Variants in MTMR6 observed in about 807,000 individuals in gnomAD.
MTMR6 encodes the protein myotubularin related protein 6, also known as phosphatidylinositol-3,5-bisphosphate 3-phosphatase MTMR6.
A neutral mutation model predicts 80.1 loss-of-function variants in MTMR6; 47 were observed. The ratio of observed to expected loss-of-function variants is 0.59; its 90% CI spans 0.46 to 0.75. MTMR6 has a LOEUF of 0.75. MTMR6 is among the 30% of genes least tolerant of loss of function. The probability of loss-of-function intolerance (pLI) is 0.00; values close to 1 mark genes in which losing one functional copy is unlikely to be tolerated. For missense variants in MTMR6, 629 were observed against 730.9 expected (o/e 0.86, Z 1.61); for synonymous variants, 254 against 253.0 (o/e 1.00, Z -0.04).
Position 25,251,883 on chromosome 13 carries a change from A to G in MTMR6, c.1448T>C (p.Leu483Ser). 1 of 1,608,296 alleles carries G rather than the reference A, an allele frequency of 6.2e-7. No homozygotes were observed. The highest frequency in any genetic ancestry group is 8.5e-7 in the Non-Finnish European group (1 of 1,178,522). Residue 483 changes from leucine to serine, a missense_variant, in exon 12 of 14, where the codon TTG (leucine) becomes TCG (serine). By Grantham distance (145) the Leu-to-Ser change is moderately radical. Transcript: ENST00000381801. This position sits in a 1 kb window ranked among gnomAD's most constrained non-coding sequence, Gnocchi z 4.1. ...YSSESHRFTVLEPNTVSFNFK... is the reference protein window; with the variant it reads ...YSSESHRFTVSEPNTVSFNFK... ...ATTGAAAGATACTGTATTTGGCTCCAAAACTGTAAATCTGTGAGATTCGGA... is the reference window on the plus strand; with the variant it reads ...ATTGAAAGATACTGTATTTGGCTCCGAAACTGTAAATCTGTGAGATTCGGA...
At chr13:25,271,653 G>T (rs974015796) in intron 2 of MTMR6, among the ~76,000 whole-genome samples, 1 of 152,150 alleles carries the variant, frequency 6.6e-6, no homozygotes, top group South Asian at 2.1e-4. Context: ...TTTCTGCTTA[G>T]CACTTATCAC....
chr13:25,254,054 C>A, intron 10 of MTMR6, 90 bp from the exon 11 acceptor site: 2 of 1,313,032 alleles, frequency 1.5e-6, no homozygotes, highest in East Asian at 2.4e-5. Context: ...AAAAATATTC[C>A]TAAAGCACTG....
At position 25,262,388 on chromosome 13, in the gene MTMR6, G is replaced by A. The variant is rs571041375; in HGVS notation, c.592-586C>T. On this transcript the variant is annotated intron_variant, in intron 5 of 13. Coordinates refer to ENST00000381801, the MANE Select transcript of MTMR6 (RefSeq NM_004685.5). Reference sequence around the variant, plus strand: ...TTTTGTTTGGCTGGTTGGTTTTTGAGACAAGGTCTTGCTCTGTCACCCAGT... The same window carrying A: ...TTTTGTTTGGCTGGTTGGTTTTTGAAACAAGGTCTTGCTCTGTCACCCAGT... 1.9e-4 allele frequency among the ~76,000 whole-genome samples: 29 copies of A among 152,216 alleles called. 1 individual carries two copies. Among genetic ancestry groups the A allele is most frequent in the African/African-American group, 6.7e-4 (28 of 41,540 alleles).
At chr13:25,283,019 C>G (rs554761944) in intron 1 of MTMR6, among the ~76,000 whole-genome samples, 1 of 152,102 alleles carries the variant, frequency 6.6e-6, no homozygotes, top group South Asian at 2.1e-4. Flanking sequence ...ACAAACAACT[C>G]CCTCCCAAAT....
At chr13:25,252,124 G>A (rs1957102601) in intron 11 of MTMR6, 140 bp from the exon 12 acceptor site, 1 of 836,104 alleles carries the variant, frequency 1.2e-6, no homozygotes, top group Non-Finnish European at 1.9e-6. Context: ...GTCTAACCTT[G>A]TCTCAGAATT....
intron 5 of MTMR6, among the ~76,000 whole-genome samples, chr13:25,264,775 A>AAAAAAAAAAAAAAAAAAAAAAAG (rs1491106020): frequency 7.5e-6 from 1 of 133,646 alleles, no homozygotes; most frequent in Non-Finnish European, 1.6e-5. Context: ...AAAAAAAAAA[A>AAAAAAAAAAAAAAAAAAAAAAAG]GAAATTTCAG....
rs1202884464 is a variant in MTMR6 at position 25,251,098 on chromosome 13, C to G, written c.1605+551G>C. Among the ~76,000 whole-genome samples, 6 of 152,202 alleles carry G rather than the reference C, an allele frequency of 3.9e-5. No individual in the cohort carries two copies. Among genetic ancestry groups the G allele is most frequent in the Admixed American group, 3.3e-4 (5 of 15,304 alleles). On this transcript the variant is annotated intron_variant, in intron 13 of 13. Coordinates refer to ENST00000381801, the MANE Select transcript of MTMR6 (RefSeq NM_004685.5). This position sits in a 1 kb window ranked among gnomAD's most constrained non-coding sequence, Gnocchi z 4.1. ...GAGGCATGATCTTGGCTCACTGCAA[C>G]CTCCGCCTCCCAGGTTCAAGCAATT...
rs781666060 is a variant in MTMR6, at chr13:25,253,872, T to C, written c.1238A>G (p.Gln413Arg). 1.9e-6 allele frequency: 3 copies of C among 1,614,130 alleles called. No individual in the cohort carries two copies. Among genetic ancestry groups the C allele is most frequent in the Admixed American group, 3.3e-5 (2 of 60,008 alleles). Reference protein sequence around the residue: ...CVWHLTEQFPQAFEFSEAFLL... With the variant: ...CVWHLTEQFPRAFEFSEAFLL... ...AAATGCTTCACTGAATTCAAAGGCT[T>C]GTGGAAACTGTTCGGTCAAATGCCA... The change falls in exon 11 of 14, where the codon CAA becomes CGA. Residue 413 changes from glutamine (Q) to arginine (R), a missense_variant. Coordinates refer to ENST00000381801, the MANE Select transcript of MTMR6 (RefSeq NM_004685.5).
chr13:25,253,845 A>C lies in MTMR6; in HGVS notation c.1265T>G (p.Leu422Arg), dbSNP rs1957137013. ...ATGAATATGCTCATGGATCTGAAGAAGAAATGCTTCACTGAATTCAAAGGC... is the reference window on the plus strand; with the variant it reads ...ATGAATATGCTCATGGATCTGAAGACGAAATGCTTCACTGAATTCAAAGGC... ...PQAFEFSEAF[L>R]LQIHEHIHSC... The change falls in exon 11 of 14, where the codon CTT (leucine) becomes CGT (arginine). Residue 422 changes from leucine (L) to arginine (R), a missense_variant. Leu to Arg is a moderately radical substitution (Grantham distance 102). Transcript: ENST00000381801. The C allele has an allele frequency of 1.2e-6, 2 of 1,614,074 alleles. No individual in the cohort carries two copies. Among genetic ancestry groups the C allele is most frequent in the Non-Finnish European group, 1.7e-6 (2 of 1,180,028 alleles).
In MTMR6 at chr13:25,283,473, T is replaced by C. The variant is rs184293832; in HGVS notation, c.24+3751A>G. 3.5e-3 allele frequency among the ~76,000 whole-genome samples: 528 copies of C among 152,352 alleles called. 9 individuals carry two copies. Among genetic ancestry groups the C allele is most frequent in the African/African-American group, 0.012 (509 of 41,588 alleles). ...AATAATATCAGTTTCTCCTTATTCT[T>C]GATCCATTCTTATTTTTATATCTCC... On this transcript the variant is annotated intron_variant, in intron 1 of 13. Coordinates refer to ENST00000381801, the MANE Select transcript of MTMR6 (RefSeq NM_004685.5).
intron 7 of MTMR6, 35 bp downstream of exon 7, chr13:25,258,525 G>C (rs1210692842): frequency 1.3e-6 from 2 of 1,545,680 alleles, no homozygotes; most frequent in Non-Finnish European, 1.7e-6. Context: ...ATTTCTTTTG[G>C]ACAAGGGTGT....
At chr13:25,279,729 T>C (rs1957805047) in intron 1 of MTMR6, among the ~76,000 whole-genome samples, 1 of 152,034 alleles carries the variant, frequency 6.6e-6, no homozygotes, top group African/African-American at 2.4e-5. Context: ...CTGTAAATGA[T>C]GAAAGCACAG....
intron 3 of MTMR6, among the ~76,000 whole-genome samples, chr13:25,267,536 T>C (rs1170290034): frequency 6.6e-6 from 1 of 152,196 alleles, no homozygotes; most frequent in Non-Finnish European, 1.5e-5. Context: ...ACCTGTGGTT[T>C]TGTAAGTCTC....
intron 9 of MTMR6, among the ~76,000 whole-genome samples, chr13:25,255,076 A>ACTAAATACT (rs1957169648): frequency 6.6e-6 from 1 of 152,170 alleles, no homozygotes; most frequent in Non-Finnish European, 1.5e-5. Context: ...GTCTAATCTA[A>ACTAAATACT]ACACATATTT....
chr13:25,267,366 A>G (rs1468446601), intron 3 of MTMR6, among the ~76,000 whole-genome samples: 2 of 152,064 alleles, frequency 1.3e-5, no homozygotes, highest in African/African-American at 4.8e-5. Flanking sequence ...TCCCACTCAA[A>G]TCTATTAAAT....
At position 25,257,341 on chromosome 13, in the gene MTMR6, A is replaced by G. The variant is rs1415951591; in HGVS notation, c.970-20T>C. The G allele has an allele frequency of 6.2e-7, 1 of 1,612,994 alleles. No individual in the cohort carries two copies. Among genetic ancestry groups the G allele is most frequent in the Non-Finnish European group, 8.5e-7 (1 of 1,179,364 alleles). The stretch of plus-strand genomic sequence containing the variant: ...TATTGCCTGAAAAGAAAGATCACAT[A>G]CATTCTAGCGTACTTTAAGGTAAAC... On this transcript the variant is annotated intron_variant, in intron 8 of 13. Coordinates refer to ENST00000381801, the MANE Select transcript of MTMR6 (RefSeq NM_004685.5).
At chr13:25,285,116 G>C (rs1473298476) in intron 1 of MTMR6, among the ~76,000 whole-genome samples, 1 of 152,144 alleles carries the variant, frequency 6.6e-6, no homozygotes, top group Non-Finnish European at 1.5e-5. Context: ...AGCATTACTT[G>C]AAGAAAAGTT....
intron 2 of MTMR6, among the ~76,000 whole-genome samples, chr13:25,272,718 T>C (rs895717729): frequency 6.6e-6 from 1 of 152,228 alleles, no homozygotes; most frequent in African/African-American, 2.4e-5. Flanking sequence ...TTGTTTGTGT[T>C]AATTCATTTA....
intron 2 of MTMR6, among the ~76,000 whole-genome samples, chr13:25,272,829 C>A (rs1957610454): frequency 1.3e-5 from 2 of 152,156 alleles, no homozygotes; most frequent in African/African-American, 4.8e-5. Flanking sequence ...TTTATCCAAT[C>A]CACTGCTAAT....
Sources: allele counts gnomAD v4.1 joint callset (sites outside exome capture counted in the v4.1 genomes callset), GRCh38; gene constraint gnomAD v4.1.1; non-coding constraint Gnocchi (gnomAD v3.1); transcripts MANE v1.5; gene names NCBI Gene and HGNC (gene_info 2026-07-23, HGNC 2026-07-21).